The following DLGAP2 variants were observed in gnomAD, a reference collection of about 807,000 sequenced individuals.
DLGAP2 encodes the protein DLG associated protein 2.
Under a neutral mutation model 100.3 loss-of-function variants are expected in DLGAP2, and 26 were observed. The observed-to-expected ratio is 0.26, with a 90% CI of 0.19 to 0.36. The LOEUF (loss-of-function observed/expected upper bound fraction) is 0.36. Ranked by LOEUF, DLGAP2 falls within the 10% of genes least tolerant of loss-of-function variation. The probability of loss-of-function intolerance (pLI) is 1.00; values close to 1 mark genes in which losing one functional copy is unlikely to be tolerated. For synonymous variants in DLGAP2, 886 were observed against 630.1 expected (o/e 1.41, Z -6.08); for missense variants, 1,858 against 1,453.2 (o/e 1.28, Z -4.53).
At chr8:1,094,097 G>A (rs889442019) in intron 2 of DLGAP2, among the ~76,000 whole-genome samples, 1 of 152,036 alleles carries the variant, frequency 6.6e-6, no homozygotes. Context: ...CAGCTCTGTG[G>A]TGGATGGAGG....
At chr8:1,356,296 G>A (rs981737425) in intron 3 of DLGAP2, among the ~76,000 whole-genome samples, 1 of 152,222 alleles carries the variant, frequency 6.6e-6, no homozygotes. Context: ...TTTTGCAGCT[G>A]TATCACTCCC....
At chr8:866,063 A>G (rs1216688790) in intron 1 of DLGAP2, among the ~76,000 whole-genome samples, 1 of 152,096 alleles carries the variant, frequency 6.6e-6, no homozygotes, top group Non-Finnish European at 1.5e-5. Flanking sequence ...TTGGGACAGG[A>G]TGGTGTTTCG....
chr8:1,645,021 G>T (rs1349703296), intron 8 of DLGAP2, among the ~76,000 whole-genome samples: 1 of 152,208 alleles, frequency 6.6e-6, no homozygotes, highest in Non-Finnish European at 1.5e-5. Context: ...CTTAAGGCCA[G>T]GCATTCAAGG....
At chr8:1,287,155 T>TGCGCGCGCGC in intron 3 of DLGAP2, among the ~76,000 whole-genome samples, 1 of 98,582 alleles carries the variant, frequency 1.0e-5, no homozygotes, top group African/African-American at 3.7e-5. Context: ...TGTGTGTGTG[T>TGCGCGCGCGC]GTGCGCGCGC....
intron 2 of DLGAP2, among the ~76,000 whole-genome samples, chr8:1,235,715 A>G (rs62487761): frequency 0.75 from 12,936 of 17,252 alleles, 6,273 homozygotes; most frequent in Middle Eastern, 1. Flanking sequence ...ATGGCGCCGT[A>G]TCTAGTTCTC....
chr8:1,371,341 C>T lies in DLGAP2; in HGVS notation c.106+112458C>T, dbSNP rs550761106. Among the ~76,000 whole-genome samples, 35 of 152,302 alleles carry T rather than the reference C, an allele frequency of 2.3e-4. No individual in the cohort carries two copies. The East Asian group carries it at 4.8e-3, about 21-fold the overall frequency. On this transcript the variant is annotated intron_variant, in intron 3 of 14. Coordinates refer to ENST00000637795, the MANE Select transcript of DLGAP2 (RefSeq NM_001346810.2). ...TTGGACCTGGCTGGTGCTGTATCCT[C>T]GTGGATGGCATTTGCGCCAGGGCAG...
intron 2 of DLGAP2, among the ~76,000 whole-genome samples, chr8:1,175,895 A>T (rs921686675): frequency 6.6e-6 from 1 of 152,210 alleles, no homozygotes; most frequent in Non-Finnish European, 1.5e-5. Context: ...CCACATAGCC[A>T]TGGGGAGGTC....
At chr8:1,163,161 C>T (rs1364885355) in intron 2 of DLGAP2, among the ~76,000 whole-genome samples, 4 of 152,216 alleles carry the variant, frequency 2.6e-5, no homozygotes, top group Non-Finnish European at 5.9e-5. Flanking sequence ...CGCACGTGCA[C>T]TGAAACTAGC....
At chr8:829,350 A>G (rs1028555036) in intron 1 of DLGAP2, among the ~76,000 whole-genome samples, 1 of 152,196 alleles carries the variant, frequency 6.6e-6, no homozygotes, top group South Asian at 2.1e-4. Flanking sequence ...TTCATCACCC[A>G]TGAAGGTGAC....
At chr8:1,449,823 C>T (rs917288827) in intron 3 of DLGAP2, among the ~76,000 whole-genome samples, 9 of 146,128 alleles carry the variant, frequency 6.2e-5, no homozygotes, top group African/African-American at 2.3e-4. Flanking sequence ...GGTGGGCGGC[C>T]TCGGTGGCTG....
chr8:1,613,834 C>G (rs868528403), intron 6 of DLGAP2, among the ~76,000 whole-genome samples: 26 of 152,284 alleles, frequency 1.7e-4, no homozygotes, highest in Middle Eastern at 6.8e-3. Context: ...CCTCTGTATT[C>G]TTTTTGGAAA....
At chr8:1,572,487 G>T (rs1284885779) in intron 6 of DLGAP2, among the ~76,000 whole-genome samples, 4 of 138,396 alleles carry the variant, frequency 2.9e-5, no homozygotes, top group Non-Finnish European at 3.1e-5. Flanking sequence ...GGAGAGAAGG[G>T]TGAACTGTGG....
intron 3 of DLGAP2, among the ~76,000 whole-genome samples, chr8:1,430,010 A>ATATATATATATATATATG (rs1797370542): frequency 1.5e-5 from 1 of 68,628 alleles, no homozygotes; most frequent in Non-Finnish European, 2.7e-5. Context: ...ATATATACAT[A>ATATATATATATATATATG]TATATATATA....
chr8:1,012,331 C>G (rs974344278), intron 2 of DLGAP2, among the ~76,000 whole-genome samples: 3 of 152,228 alleles, frequency 2.0e-5, no homozygotes, highest in African/African-American at 7.2e-5. Flanking sequence ...AACGCACTCT[C>G]GGAAGCCCGT....
chr8:1,102,886 C>G (rs1804631340), intron 2 of DLGAP2, among the ~76,000 whole-genome samples: 1 of 151,334 alleles, frequency 6.6e-6, no homozygotes, highest in Non-Finnish European at 1.5e-5. Flanking sequence ...CTCTGGTTTT[C>G]TGGGGTCTTC....
chr8:790,062 C>T (rs912118897), intron 1 of DLGAP2, among the ~76,000 whole-genome samples: 2 of 152,082 alleles, frequency 1.3e-5, no homozygotes, highest in Non-Finnish European at 2.9e-5. Context: ...TACATCTTGG[C>T]TCCTGTTCTA....
rs575107102 is a variant in DLGAP2, at chr8:1,626,892, G to C, written c.1590+5G>C. On this transcript the variant is annotated splice_donor_5th_base_variant and intron_variant, in intron 7 of 14. Coordinates refer to ENST00000637795, the MANE Select transcript of DLGAP2 (RefSeq NM_001346810.2). ...CAGGCCAGCTGCGTGAGCCAGGTCA[G>C]GGTCCCTTCGCCCTTTCTCCCTGGG... 266 of 1,587,306 alleles carry C rather than the reference G, an allele frequency of 1.7e-4. 2 individuals carry two copies. In the South Asian group the frequency reaches 2.8e-3, roughly 16 times the overall value.
intron 6 of DLGAP2, chr8:1,604,879 T>C (rs1001382193): frequency 6.6e-6 from 1 of 152,182 alleles, no homozygotes; most frequent in African/African-American, 2.4e-5. Flanking sequence ...TCATAGCTTC[T>C]CTGTGATAGG....
At chr8:981,121 C>T (rs954801704) in intron 2 of DLGAP2, among the ~76,000 whole-genome samples, 2 of 152,128 alleles carry the variant, frequency 1.3e-5, no homozygotes, top group African/African-American at 2.4e-5. Context: ...TACTGTCTGT[C>T]TCTCGGAATT....
Sources: gnomAD v4.1 joint callset for allele counts (sites outside exome capture counted in the v4.1 genomes callset) on GRCh38, gnomAD v4.1.1 for gene constraint, MANE v1.5 for transcripts, NCBI Gene and HGNC (gene_info 2026-07-23, HGNC 2026-07-21) for gene names.